The following QTGAL variants were observed in gnomAD, a reference collection of about 807,000 sequenced individuals.
QTGAL encodes BGnT-like protein 1.
At chr17:83,006,207 T>C in the QTGAL span, 4 of 985,654 alleles carry the variant, frequency 4.1e-6, no homozygotes, top group African/African-American at 7.0e-5. The surrounding 1 kb of genome is among the most constrained non-coding windows in gnomAD (Gnocchi z 5.8). Flanking sequence ...GTGGTATCAG[T>C]GAGCCAGTCT....
At chr17:83,003,139 T>C in the QTGAL span, among the ~76,000 whole-genome samples, 13 of 9,910 alleles carry the variant, frequency 1.3e-3, no homozygotes, top group African/African-American at 5.0e-3. Context: ...ATTCCTGAGC[T>C]CGCCCTCCCA....
the QTGAL span, among the ~76,000 whole-genome samples, chr17:83,037,777 G>A: frequency 6.6e-6 from 1 of 152,236 alleles, no homozygotes; most frequent in Non-Finnish European, 1.5e-5. This position sits in a 1 kb window ranked among gnomAD's most constrained non-coding sequence, Gnocchi z 5.2. Context: ...CCTGGGTAAC[G>A]AAGGAAGACT....
the QTGAL span, chr17:82,981,868 G>A: frequency 2.6e-5 from 4 of 152,248 alleles, no homozygotes; most frequent in Admixed American, 6.5e-5. Context: ...ATTATATACC[G>A]TATTCTTACA....
chr17:83,030,076 A>C, the QTGAL span, among the ~76,000 whole-genome samples: 1 of 152,230 alleles, frequency 6.6e-6, no homozygotes, highest in Non-Finnish European at 1.5e-5. Flanking sequence ...TGAACAAATG[A>C]GGAGAATGTG....
chr17:83,041,065 C>CAGA, the QTGAL span, among the ~76,000 whole-genome samples: 5 of 89,812 alleles, frequency 5.6e-5, no homozygotes, highest in Non-Finnish European at 2.4e-5. Context: ...GACTCCATCT[C>CAGA]AAAAAAAAAA....
At chr17:83,046,850 A>G in the QTGAL span, among the ~76,000 whole-genome samples, 2 of 152,258 alleles carry the variant, frequency 1.3e-5, no homozygotes, top group East Asian at 3.8e-4. Flanking sequence ...ACAGACACAC[A>G]AAACATGGTA....
At chr17:82,980,777 T>A in the QTGAL span, among the ~76,000 whole-genome samples, 1 of 152,208 alleles carries the variant, frequency 6.6e-6, no homozygotes, top group Admixed American at 6.5e-5. Flanking sequence ...CCCTTTGGGT[T>A]ACTGTACGAG....
chr17:83,049,768 C>A, the QTGAL span, among the ~76,000 whole-genome samples: 4 of 152,264 alleles, frequency 2.6e-5, no homozygotes, highest in East Asian at 7.7e-4. Context: ...TCGTTTCGGG[C>A]TAGTGTAGCT....
the QTGAL span, among the ~76,000 whole-genome samples, chr17:83,013,112 C>T: frequency 8.5e-5 from 13 of 152,168 alleles, no homozygotes; most frequent in African/African-American, 1.2e-4. Context: ...TTTGCAAACA[C>T]GTGACCCTTT....
the QTGAL span, among the ~76,000 whole-genome samples, chr17:83,039,118 G>A: frequency 6.7e-6 from 1 of 150,264 alleles, no homozygotes; most frequent in African/African-American, 2.5e-5. Context: ...GCTGCCCACC[G>A]TCCATCCCAG....
At chr17:83,000,651 G>A in the QTGAL span, among the ~76,000 whole-genome samples, 3 of 152,150 alleles carry the variant, frequency 2.0e-5, no homozygotes, top group African/African-American at 4.8e-5. Flanking sequence ...TTTTGTTAGT[G>A]TTTTCAGTAT....
the QTGAL span, among the ~76,000 whole-genome samples, chr17:82,985,582 C>A: frequency 3.3e-5 from 5 of 152,166 alleles, no homozygotes; most frequent in Non-Finnish European, 5.9e-5. Context: ...TGTTTAGTGG[C>A]ACCGTTTTCA....
the QTGAL span, among the ~76,000 whole-genome samples, chr17:83,046,309 G>A: frequency 6.6e-6 from 1 of 151,478 alleles, no homozygotes; most frequent in Non-Finnish European, 1.5e-5. Context: ...TTTTTTTGTG[G>A]TATTTTTAGT....
the QTGAL span, among the ~76,000 whole-genome samples, chr17:82,952,442 A>G: frequency 1.2e-4 from 19 of 152,214 alleles, no homozygotes; most frequent in African/African-American, 4.1e-4. Flanking sequence ...CTTTAAACCA[A>G]TGAAGATTAA....
the QTGAL span, among the ~76,000 whole-genome samples, chr17:82,955,205 A>T: frequency 1.3e-5 from 2 of 152,240 alleles, no homozygotes; most frequent in Non-Finnish European, 1.5e-5. Context: ...GAATGGGAGA[A>T]AATTTCTGCA....
chr17:82,957,064 C>T, the QTGAL span: 1 of 1,420,430 alleles, frequency 7.0e-7, no homozygotes, highest in South Asian at 1.2e-5. Context: ...CCTGGAGGCC[C>T]CGAGGAGCCA....
At chr17:82,988,883 G>T in the QTGAL span, among the ~76,000 whole-genome samples, 3 of 152,156 alleles carry the variant, frequency 2.0e-5, no homozygotes, top group Admixed American at 2.0e-4. Context: ...GAGAAGTAGG[G>T]ATGCTTTTAC....
the QTGAL span, among the ~76,000 whole-genome samples, chr17:82,991,452 G>A: frequency 6.6e-6 from 1 of 152,040 alleles, no homozygotes; most frequent in Admixed American, 6.5e-5. Flanking sequence ...TTTGCCTGTC[G>A]CCATCCACGT....
the QTGAL span, chr17:82,956,924 C>G: frequency 2.3e-5 from 24 of 1,041,678 alleles, no homozygotes; most frequent in South Asian, 3.2e-4. This position sits in a 1 kb window ranked among gnomAD's most constrained non-coding sequence, Gnocchi z 5.7. Flanking sequence ...GGCAGGTGTT[C>G]AGAGCAGGAA....
Sources: allele counts gnomAD v4.1 joint callset (sites outside exome capture counted in the v4.1 genomes callset), GRCh38; gene constraint gnomAD v4.1.1; non-coding constraint Gnocchi (gnomAD v3.1); transcripts MANE v1.5; gene names NCBI Gene and HGNC (gene_info 2026-07-23, HGNC 2026-07-21).